Variants in TREML2 observed in about 807,000 individuals in gnomAD.
The protein encoded by TREML2 is trem-like transcript 2 protein.
A neutral mutation model predicts 25.9 loss-of-function variants in TREML2; 24 were observed. The ratio of observed to expected loss-of-function variants is 0.93; its 90% CI spans 0.67 to 1.30. The LOEUF (loss-of-function observed/expected upper bound fraction) is 1.30, where lower values mean the gene tolerates loss of function less well. Ranked by LOEUF, TREML2 falls within the 50% of genes most tolerant of loss-of-function variation. The pLI, the probability that TREML2 is intolerant of heterozygous loss-of-function variation, is 0.00. For synonymous variants in TREML2, 139 were observed against 155.2 expected, an observed-to-expected ratio of 0.90 and a Z score of 0.77; for missense variants, 359 against 395.6, an observed-to-expected ratio of 0.91 and a Z score of 0.78.
chr6:41,199,377 C>T (rs1304412820), intron 1 of TREML2, among the ~76,000 whole-genome samples: 1 of 152,212 alleles, frequency 6.6e-6, no homozygotes, highest in Non-Finnish European at 1.5e-5. Flanking sequence ...TTCATTCCAT[C>T]TGGTGTTTAG....
Position 41,194,433 on chromosome 6 carries a change from G to A in TREML2, c.777C>T (p.Pro259=). ...RSLLNRLPSM[P]SIRHQDVYST... is the part of the protein sequence containing the mutation. ...CCAGGCCCCACAGGTACCTGATGGA[G>A]GGCATGGAGGGTAGTCTGTTGAGGA... The change falls in exon 3 of 5, where the codon CCC becomes CCT. Residue 259 remains proline (P), a synonymous_variant. Transcript: ENST00000483722. 1.5e-5 allele frequency: 24 copies of A among 1,567,262 alleles called. No homozygotes were observed. Among genetic ancestry groups the A allele is most frequent in the Non-Finnish European group, 2.0e-5 (23 of 1,154,986 alleles).
At chr6:41,193,459 C>T (rs1161525007) in intron 3 of TREML2, among the ~76,000 whole-genome samples, 1 of 152,080 alleles carries the variant, frequency 6.6e-6, no homozygotes, top group Non-Finnish European at 1.5e-5. Context: ...CTCCTTTGCC[C>T]TTCAGATGTG....
chr6:41,192,623 C>A, intron 4 of TREML2, 117 bp from the exon 5 acceptor site: 1 of 1,235,008 alleles, frequency 8.1e-7, no homozygotes. Flanking sequence ...AGGTCATCCC[C>A]TTAGGGTTGT....
chr6:41,194,945 T>G, intron 2 of TREML2, 112 bp from the exon 3 acceptor site: 1 of 953,790 alleles, frequency 1.0e-6, no homozygotes, highest in Non-Finnish European at 1.5e-6. Context: ...CCTGTCCTCT[T>G]CTCTTCTCCT....
At chr6:41,195,059 T>G (rs942900615) in intron 2 of TREML2, among the ~76,000 whole-genome samples, 1 of 152,158 alleles carries the variant, frequency 6.6e-6, no homozygotes, top group Non-Finnish European at 1.5e-5. Context: ...AGGGAGAGAC[T>G]ACCACAATTT....
rs760182683 is a variant in TREML2 at position 41,198,171 on chromosome 6, C to T, written c.314G>A (p.Cys105Tyr). The T allele has an allele frequency of 6.2e-7, 1 of 1,614,108 alleles. No individual in the cohort carries two copies. The highest frequency in any genetic ancestry group is 1.1e-5 in the South Asian group (1 of 91,082). ...LKLQDSGRYW[C>Y]MRNTSGILYP... ...CAGGATCCCAGAGGTGTTGCGCATG[C>T]ACCAGTATCGGCCTGAGTCCTGGAG... The change falls in exon 2 of 5, where the codon TGC becomes TAC. Residue 105 changes from cysteine to tyrosine, a missense_variant. Cys to Tyr is a radical substitution (Grantham distance 194). Coordinates refer to ENST00000483722, the MANE Select transcript of TREML2 (RefSeq NM_024807.4).
chr6:41,193,408 T>C (rs1464475864), intron 3 of TREML2, among the ~76,000 whole-genome samples: 2 of 152,120 alleles, frequency 1.3e-5, no homozygotes. Context: ...CAGGCAGCCC[T>C]CTACTGATAA....
intron 2 of TREML2, among the ~76,000 whole-genome samples, chr6:41,195,971 C>G (rs55862069): frequency 0.099 from 15,139 of 152,190 alleles, 2,351 homozygotes; most frequent in African/African-American, 0.33. Flanking sequence ...CTTTCCTTCT[C>G]CACTTTAGAT....
intron 1 of TREML2, among the ~76,000 whole-genome samples, chr6:41,198,948 C>T (rs1404806230): frequency 7.2e-5 from 11 of 152,192 alleles, no homozygotes; most frequent in Admixed American, 6.5e-5. Context: ...CTGTAACCTC[C>T]GCCTCCTGGG....
intron 2 of TREML2, among the ~76,000 whole-genome samples, chr6:41,197,484 A>G (rs1561890206): frequency 6.6e-6 from 1 of 152,198 alleles, no homozygotes; most frequent in South Asian, 2.1e-4. Flanking sequence ...CAAAGCACCC[A>G]GATTTCAACA....
chr6:41,197,404 C>G (rs945574073), intron 2 of TREML2, among the ~76,000 whole-genome samples: 8 of 152,180 alleles, frequency 5.3e-5, no homozygotes, highest in Non-Finnish European at 1.2e-4. Context: ...ACTAAATAAG[C>G]CTTATACAAG....
rs1164247197 is a variant in TREML2, at chr6:41,192,450, A to G, written c.943T>C (p.Tyr315His). 1.2e-6 allele frequency: 2 copies of G among 1,613,956 alleles called. No homozygotes were observed. Among genetic ancestry groups the G allele is most frequent in the South Asian group, 2.2e-5 (2 of 91,056 alleles). Residue 315 changes from tyrosine to histidine, a missense_variant, in exon 5 of 5, where the codon TAT becomes CAT. Coordinates refer to ENST00000483722, the MANE Select transcript of TREML2 (RefSeq NM_024807.4). ...TRDPPGRPEP[Y>H]VEVYLI ...CCTCAGATCAAGTAGACTTCCACAT[A>G]GGGCTCTGGTCTTCCAGGTGGGTCA...
At chr6:41,192,962 T>C (rs1766094965) in intron 3 of TREML2, 61 bp from the exon 4 acceptor site, 1 of 1,387,934 alleles carries the variant, frequency 7.2e-7, no homozygotes, top group Non-Finnish European at 9.7e-7. Flanking sequence ...CTAACCCACG[T>C]TGGGATCGGA....
At position 41,192,856 on chromosome 6, in the gene TREML2, G is replaced by T. The variant is rs1429736401; in HGVS notation, c.831C>A (p.Leu277=). The T allele has an allele frequency of 6.2e-7, 1 of 1,607,972 alleles. No individual in the cohort carries two copies. Among genetic ancestry groups the T allele is most frequent in the Non-Finnish European group, 8.5e-7 (1 of 1,176,634 alleles). ...YSTVLGVVLT[L]LVLMLIMVYG... is the part of the protein sequence containing the mutation. ...AGACCATGATCAGCATCAGCACCAGGAGGGTCAGCACCACCCCAAGCACAG... is the reference window on the plus strand; with the variant it reads ...AGACCATGATCAGCATCAGCACCAGTAGGGTCAGCACCACCCCAAGCACAG... Residue 277 remains leucine (L), a synonymous_variant, in exon 4 of 5, where the codon CTC becomes CTA. Coordinates refer to ENST00000483722, the MANE Select transcript of TREML2 (RefSeq NM_024807.4).
In TREML2 at chr6:41,194,704, G is replaced by A; in HGVS notation, c.506C>T (p.Thr169Ile). 6.2e-7 allele frequency: 1 copy of A among 1,614,138 alleles called. No homozygotes were observed. Among genetic ancestry groups the A allele is most frequent in the Middle Eastern group, 1.6e-4 (1 of 6,062 alleles). Residue 169 changes from threonine (T) to isoleucine (I), a missense_variant, in exon 3 of 5, where the codon ACC (threonine) becomes ATC (isoleucine). Coordinates refer to ENST00000483722, the MANE Select transcript of TREML2 (RefSeq NM_024807.4). ...APFTTGVMVFTPGLITLPRLL... is the reference protein window; with the variant it reads ...APFTTGVMVFIPGLITLPRLL... Reference sequence around the variant, plus strand: ...CCTAGGCAAGGTGATGAGTCCTGGGGTGAACACCATCACACCAGTGGTAAA... The same window carrying A: ...CCTAGGCAAGGTGATGAGTCCTGGGATGAACACCATCACACCAGTGGTAAA...
intron 3 of TREML2, among the ~76,000 whole-genome samples, chr6:41,193,582 C>T (rs1354948204): frequency 6.6e-6 from 1 of 152,042 alleles, no homozygotes; most frequent in African/African-American, 2.4e-5. Flanking sequence ...CCCACTCCCC[C>T]ACCTTTTTTC....
chr6:41,197,809 T>G (rs1403444971), intron 2 of TREML2, among the ~76,000 whole-genome samples: 1 of 152,192 alleles, frequency 6.6e-6, no homozygotes, highest in Non-Finnish European at 1.5e-5. Context: ...TGAATTATGT[T>G]GAAGCAATGA....
intron 3 of TREML2, 85 bp downstream of exon 3, chr6:41,194,340 G>A: frequency 7.3e-7 from 1 of 1,369,040 alleles, no homozygotes; most frequent in Non-Finnish European, 9.8e-7. Context: ...GGAGCAAAAG[G>A]GGAAGGTCAG....
In TREML2 at chr6:41,198,110, T is replaced by G. The variant is rs775021711; in HGVS notation, c.375A>C (p.Pro125=). Residue 125 remains proline, a splice_region_variant and synonymous_variant, in exon 2 of 5, where the codon CCA becomes CCC. Transcript: ENST00000483722. ...PLMGFQLDVS[P]APQTERNIPF... is the part of the protein sequence containing the mutation. ...CCAGAGCCACTGCAGCCTGCTCACC[T>G]GGAGACACATCCAGCTGGAAGCCCA... 6.3e-7 allele frequency: 1 copy of G among 1,589,070 alleles called. No individual in the cohort carries two copies. Among genetic ancestry groups the G allele is most frequent in the South Asian group, 1.1e-5 (1 of 88,086 alleles).
Sources: allele counts gnomAD v4.1 joint callset (sites outside exome capture counted in the v4.1 genomes callset), GRCh38; gene constraint gnomAD v4.1.1; transcripts MANE v1.5; gene names NCBI Gene and HGNC (gene_info 2026-07-23, HGNC 2026-07-21).